The following CCSER1 variants were observed in gnomAD, a reference collection of about 807,000 sequenced individuals.
CCSER1 encodes the protein serine-rich coiled-coil domain-containing protein 1.
CCSER1 carries 41 observed loss-of-function variants against 82.0 expected under a neutral mutation model. The ratio of observed to expected loss-of-function variants is 0.50; its 90% CI spans 0.39 to 0.65. The LOEUF is 0.65. Among genes scored for constraint, CCSER1 ranks in the 30% least tolerant of loss-of-function variants. CCSER1 has a pLI of 0.00. For missense variants in CCSER1, 1,119 were observed against 1,064.2 expected, an observed-to-expected ratio of 1.05 and a Z score of -0.72; for synonymous variants, 414 against 383.9, an observed-to-expected ratio of 1.08 and a Z score of -0.92.
At chr4:91,308,770 T>C (rs187785764) in intron 10 of CCSER1, among the ~76,000 whole-genome samples, 2 of 152,114 alleles carry the variant, frequency 1.3e-5, no homozygotes, top group East Asian at 1.9e-4. Context: ...TCAACAGTAA[T>C]GTATTGCCAA....
chr4:90,739,966 C>CT (rs892225435), intron 7 of CCSER1, among the ~76,000 whole-genome samples: 6 of 152,082 alleles, frequency 3.9e-5, no homozygotes, highest in African/African-American at 7.2e-5. Flanking sequence ...TATGAAGGTG[C>CT]TTTTTTGTGT....
intron 5 of CCSER1, among the ~76,000 whole-genome samples, chr4:90,509,346 A>C (rs894395297): frequency 6.6e-6 from 1 of 152,116 alleles, no homozygotes; most frequent in Non-Finnish European, 1.5e-5. Flanking sequence ...GCACCTGGGA[A>C]GTGTAATAAA....
At position 90,172,594 on chromosome 4, in the gene CCSER1, G is replaced by C. The variant is rs552372285; in HGVS notation, c.-42+44763G>C. On this transcript the variant is annotated intron_variant, in intron 1 of 10. Coordinates refer to ENST00000509176, the MANE Select transcript of CCSER1 (RefSeq NM_001145065.2). The stretch of plus-strand genomic sequence containing the variant: ...ATAATTAATTTCATTTTATTATGCA[G>C]AAATGGATTGTGCAGAGAGAGTAAA... 2.6e-5 allele frequency among the ~76,000 whole-genome samples: 4 copies of C among 151,890 alleles called. No individual in the cohort carries two copies. In the South Asian group the frequency reaches 8.3e-4, roughly 31 times the overall value.
intron 10 of CCSER1, among the ~76,000 whole-genome samples, chr4:91,243,606 A>G (rs1484389714): frequency 6.6e-6 from 1 of 152,112 alleles, no homozygotes; most frequent in East Asian, 1.9e-4. Flanking sequence ...ACTGGGTAGA[A>G]TAGGGAGGCC....
chr4:91,054,142 T>G (rs1051015174), intron 9 of CCSER1, among the ~76,000 whole-genome samples: 2 of 152,184 alleles, frequency 1.3e-5, no homozygotes, highest in Non-Finnish European at 2.9e-5. Flanking sequence ...AGGGTCCTGG[T>G]CTTTGGCCAC....
At chr4:90,705,401 G>T (rs1458364681) in intron 6 of CCSER1, among the ~76,000 whole-genome samples, 1 of 152,196 alleles carries the variant, frequency 6.6e-6, no homozygotes, top group Non-Finnish European at 1.5e-5. Context: ...TTGCCTCCCA[G>T]TTAGGCTATT....
intron 1 of CCSER1, among the ~76,000 whole-genome samples, chr4:90,256,066 A>C (rs931327548): frequency 6.6e-6 from 1 of 152,146 alleles, no homozygotes; most frequent in South Asian, 2.1e-4. Flanking sequence ...AAGTATGCCA[A>C]AATTTTTCTT....
chr4:91,326,907 A>T (rs1560591156), intron 10 of CCSER1, among the ~76,000 whole-genome samples: 1 of 152,104 alleles, frequency 6.6e-6, no homozygotes, highest in African/African-American at 2.4e-5. Context: ...CTCTGACTCT[A>T]TGTCTCACAT....
At chr4:91,254,024 C>A (rs576857401) in intron 10 of CCSER1, among the ~76,000 whole-genome samples, 2 of 152,298 alleles carry the variant, frequency 1.3e-5, no homozygotes, top group South Asian at 4.1e-4. Context: ...TGCAATTCAA[C>A]ATGAGATTTG....
At chr4:91,248,226 AG>A (rs910633973) in intron 10 of CCSER1, among the ~76,000 whole-genome samples, 2 of 152,226 alleles carry the variant, frequency 1.3e-5, no homozygotes, top group African/African-American at 4.8e-5. Flanking sequence ...CAAATAAATG[AG>A]GCAAATCTCA....
intron 10 of CCSER1, among the ~76,000 whole-genome samples, chr4:91,492,049 C>G (rs867154272): frequency 6.7e-6 from 1 of 149,344 alleles, no homozygotes; most frequent in Middle Eastern, 3.5e-3. Flanking sequence ...ATAATGTTCT[C>G]TGGCCAGGTT....
chr4:90,686,067 C>A (rs1734766198), intron 6 of CCSER1, among the ~76,000 whole-genome samples: 1 of 152,028 alleles, frequency 6.6e-6, no homozygotes, highest in African/African-American at 2.4e-5. Flanking sequence ...TTACAGTTAC[C>A]TTGATATTGT....
intron 7 of CCSER1, among the ~76,000 whole-genome samples, chr4:90,800,826 G>A (rs1756706347): frequency 6.6e-6 from 1 of 152,008 alleles, no homozygotes. Flanking sequence ...GCAAAATACT[G>A]TCATTTTAAG....
intron 9 of CCSER1, among the ~76,000 whole-genome samples, chr4:90,995,622 A>G (rs1253149943): frequency 6.6e-6 from 1 of 152,164 alleles, no homozygotes; most frequent in Non-Finnish European, 1.5e-5. Flanking sequence ...AAACATAGTT[A>G]TTATTACAAA....
At position 90,755,494 on chromosome 4, in the gene CCSER1, G is replaced by A. The variant is rs146497496; in HGVS notation, c.2010+31503G>A. ...TCAAACCCATTAGCTTGTTTCATTA[G>A]CACTTTATTCTGGCAGATGATAAAA... On this transcript the variant is annotated intron_variant, in intron 7 of 10. Transcript: ENST00000509176. Among the ~76,000 whole-genome samples the A allele has an allele frequency of 1.6e-3, 246 of 152,204 alleles. 1 individual carries two copies. Among genetic ancestry groups the A allele is most frequent in the African/African-American group, 5.8e-3 (239 of 41,546 alleles).
At chr4:91,560,252 A>G (rs1409719368) in intron 10 of CCSER1, among the ~76,000 whole-genome samples, 1 of 150,836 alleles carries the variant, frequency 6.6e-6, no homozygotes, top group African/African-American at 2.4e-5. Context: ...TGACAGAACA[A>G]CATTATTTAG....
chr4:91,298,029 A>G (rs1273628788), intron 10 of CCSER1, among the ~76,000 whole-genome samples: 1 of 151,996 alleles, frequency 6.6e-6, no homozygotes. Context: ...GAAGGAAAAA[A>G]TCCTACATGG....
At chr4:90,573,480 C>T (rs1183932144) in intron 5 of CCSER1, among the ~76,000 whole-genome samples, 1 of 152,196 alleles carries the variant, frequency 6.6e-6, no homozygotes, top group African/African-American at 2.4e-5. Flanking sequence ...TTATCTCTCT[C>T]TATGCTGCAC....
intron 8 of CCSER1, among the ~76,000 whole-genome samples, chr4:90,905,278 T>C (rs998711821): frequency 3.3e-5 from 5 of 151,998 alleles, no homozygotes; most frequent in African/African-American, 7.3e-5. Context: ...GATTTCCCAC[T>C]GATCTAAACA....
Sources: allele counts gnomAD v4.1 joint callset (sites outside exome capture counted in the v4.1 genomes callset), GRCh38; gene constraint gnomAD v4.1.1; transcripts MANE v1.5; gene names NCBI Gene and HGNC (gene_info 2026-07-23, HGNC 2026-07-21).